Variants in A1CF observed in about 807,000 individuals in gnomAD.
A1CF encodes the protein APOBEC1 complementation factor.
A1CF carries 48 observed loss-of-function variants against 68.9 expected under a neutral mutation model. The observed-to-expected ratio is 0.70, with a 90% CI of 0.55 to 0.89. The LOEUF is 0.89. Among genes scored for constraint, A1CF ranks in the 40% least tolerant of loss-of-function variants. The pLI is 0.00. For missense variants in A1CF, 653 were observed against 718.9 expected, an observed-to-expected ratio of 0.91 and a Z score of 1.05; for synonymous variants, 272 against 260.4, an observed-to-expected ratio of 1.04 and a Z score of -0.43.
chr10:50,832,670 A>G (rs1839305165), intron 6 of A1CF, among the ~76,000 whole-genome samples: 1 of 152,208 alleles, frequency 6.6e-6, no homozygotes, highest in Admixed American at 6.5e-5. Flanking sequence ...GCTAGAAAAC[A>G]TATCCTTTCT....
chr10:50,859,296 A>G (rs1840629042), intron 3 of A1CF, among the ~76,000 whole-genome samples: 1 of 152,196 alleles, frequency 6.6e-6, no homozygotes, highest in African/African-American at 2.4e-5. Context: ...CTATAAATAG[A>G]CAGTTTTAAG....
In A1CF at chr10:50,838,271, C is replaced by T. The variant is rs564864386; in HGVS notation, c.366-1959G>A. Among the ~76,000 whole-genome samples the T allele has an allele frequency of 4.1e-4, 62 of 152,094 alleles. No homozygotes were observed. The South Asian group carries it at 6.0e-3, about 15-fold the overall frequency. ...TACGCTTTGCTGAAGAACCAAGGACCGTGTGTCAGATCTGTGACAGGTCCA... is the reference window on the plus strand; with the variant it reads ...TACGCTTTGCTGAAGAACCAAGGACTGTGTGTCAGATCTGTGACAGGTCCA... On this transcript the variant is annotated intron_variant, in intron 5 of 12. Transcript: ENST00000373997.
chr10:50,850,770 C>G (rs1439177259), intron 3 of A1CF: 1 of 1,614,106 alleles, frequency 6.2e-7, no homozygotes, highest in Non-Finnish European at 8.5e-7. Flanking sequence ...GGCATGTGCC[C>G]AGACACACTG....
chr10:50,879,523 T>G (rs1841675866), intron 1 of A1CF, among the ~76,000 whole-genome samples: 1 of 152,118 alleles, frequency 6.6e-6, no homozygotes, highest in African/African-American at 2.4e-5. Flanking sequence ...TCTGCATGGC[T>G]GGGGAGGCCT....
intron 11 of A1CF, 133 bp from the exon 12 acceptor site, chr10:50,810,175 C>T: frequency 2.0e-6 from 2 of 1,011,642 alleles, no homozygotes; most frequent in Admixed American, 2.8e-5. Context: ...ATTCTGTTTG[C>T]TATTAAAGCT....
At chr10:50,846,043 T>A (rs1045302951) in intron 3 of A1CF, among the ~76,000 whole-genome samples, 2 of 152,204 alleles carry the variant, frequency 1.3e-5, no homozygotes, top group Non-Finnish European at 2.9e-5. Flanking sequence ...TCCTTTCAAT[T>A]TCCGATCATT....
intron 1 of A1CF, among the ~76,000 whole-genome samples, chr10:50,881,039 G>C (rs1219167650): frequency 6.6e-6 from 1 of 151,850 alleles, no homozygotes; most frequent in Non-Finnish European, 1.5e-5. Context: ...GCCTAGGCTG[G>C]AGTGCAATGG....
Position 50,806,549 on chromosome 10 carries a change from T to G in A1CF, c.*180A>C, listed in dbSNP as rs1174581581. The G allele has an allele frequency of 2.1e-6, 1 of 479,122 alleles. No homozygotes were observed. Among genetic ancestry groups the G allele is most frequent in the Non-Finnish European group, 3.3e-6 (1 of 306,360 alleles). The allele number at this position is 479,122 out of a possible 1,614,324, so 29.7% of individuals were successfully genotyped here. ...AAAGGCTCTTTAACATTTGATTTCA[T>G]TTCAGAATAACGTTCTTACTTCATG... On this transcript the variant is annotated 3_prime_UTR_variant, in exon 13 of 13. Coordinates refer to ENST00000373997, the MANE Select transcript of A1CF (RefSeq NM_014576.4).
At chr10:50,812,749 C>T (rs78326741) in intron 10 of A1CF, among the ~76,000 whole-genome samples, 14,432 of 152,058 alleles carry the variant, frequency 0.095, 730 homozygotes, top group African/African-American at 0.13. Flanking sequence ...TCTAATTTTT[C>T]ATGATAAGGA....
intron 7 of A1CF, among the ~76,000 whole-genome samples, chr10:50,821,343 G>A (rs1450784594): frequency 3.3e-5 from 5 of 152,244 alleles, no homozygotes; most frequent in South Asian, 2.1e-4. Context: ...TTTGAGTAAT[G>A]TCTCTTACAG....
chr10:50,816,125 T>C lies in A1CF; in HGVS notation c.1022A>G (p.Tyr341Cys), dbSNP rs1838358533. The change falls in exon 9 of 13, where the codon TAC becomes TGC. Residue 341 changes from tyrosine to cysteine, a missense_variant. Coordinates refer to ENST00000373997, the MANE Select transcript of A1CF (RefSeq NM_014576.4). ...LGQVYDPTTT[Y>C]LGAPVFYAPQ... ...GGCATAGAAGACAGGAGCTCCAAGGTAGGTTGTGGTGGGATCATAAACTTG... is the reference window on the plus strand; with the variant it reads ...GGCATAGAAGACAGGAGCTCCAAGGCAGGTTGTGGTGGGATCATAAACTTG... 1 of 1,613,570 alleles carries C rather than the reference T, an allele frequency of 6.2e-7. No individual in the cohort carries two copies. Among genetic ancestry groups the C allele is most frequent in the Middle Eastern group, 1.7e-4 (1 of 6,058 alleles).
chr10:50,879,110 A>C (rs1273642992), intron 1 of A1CF, among the ~76,000 whole-genome samples: 1 of 152,202 alleles, frequency 6.6e-6, no homozygotes, highest in East Asian at 1.9e-4. Flanking sequence ...ATTTTAACAA[A>C]ACTTGTGGGA....
Position 50,820,615 on chromosome 10 carries a change from A to G in A1CF, c.804T>C (p.Tyr268=), listed in dbSNP as rs1043575066. The G allele has an allele frequency of 1.9e-6, 3 of 1,613,646 alleles. No individual in the cohort carries two copies. The highest frequency in any genetic ancestry group is 2.5e-6 in the Non-Finnish European group (3 of 1,179,772). The change falls in exon 8 of 13, where the codon TAT becomes TAC. Residue 268 remains tyrosine, a synonymous_variant. Coordinates refer to ENST00000373997, the MANE Select transcript of A1CF (RefSeq NM_014576.4). The part of the protein sequence containing the change: ...AVERVKKIRD[Y]AFVHFSNRED... Reference sequence around the variant, plus strand: ...CTCGGTTACTGAAGTGCACAAAAGCATAGTCTCGAATTTTCTTCACCCTCT... The same window carrying G: ...CTCGGTTACTGAAGTGCACAAAAGCGTAGTCTCGAATTTTCTTCACCCTCT...
intron 8 of A1CF, among the ~76,000 whole-genome samples, chr10:50,819,121 TTTCTC>T (rs1486018694): frequency 3.3e-5 from 5 of 152,116 alleles, no homozygotes; most frequent in Non-Finnish European, 5.9e-5. Flanking sequence ...GCTTCTTTCT[TTTCTC>T]TTTTCTTTCT....
At chr10:50,865,618 A>G (rs1840953647) in intron 1 of A1CF, among the ~76,000 whole-genome samples, 1 of 152,164 alleles carries the variant, frequency 6.6e-6, no homozygotes, top group Non-Finnish European at 1.5e-5. Flanking sequence ...TGTCATTCAC[A>G]TGCCCTGCCA....
At chr10:50,858,062 G>C (rs181982061) in intron 3 of A1CF, among the ~76,000 whole-genome samples, 252 of 152,200 alleles carry the variant, frequency 1.7e-3, no homozygotes, top group Non-Finnish European at 3.2e-3. Flanking sequence ...AGAAATTGTA[G>C]TTACCAAACT....
intron 4 of A1CF, 71 bp from the exon 5 acceptor site, chr10:50,842,063 A>G (rs1839808615): frequency 1.5e-6 from 2 of 1,372,692 alleles, no homozygotes; most frequent in African/African-American, 1.4e-5. Flanking sequence ...GCATGTGCTG[A>G]TACACACACA....
intron 5 of A1CF, 100 bp downstream of exon 5, chr10:50,841,762 G>A: frequency 2.9e-6 from 4 of 1,403,378 alleles, no homozygotes; most frequent in East Asian, 2.4e-5. Flanking sequence ...TTCTGGCTTG[G>A]CTTTTTTTTT....
chr10:50,844,004 A>G lies in A1CF; in HGVS notation c.218T>C (p.Ile73Thr), dbSNP rs139143762. ...TGGACTCACTTTTTCACATAATGGT[A>G]TAAGCTCATCCTCAAAAAGGTCTCG... ...LPRDLFEDELIPLCEKIGKIY... is the reference protein window; with the variant it reads ...LPRDLFEDELTPLCEKIGKIY... The change falls in exon 4 of 13, where the codon ATA (isoleucine) becomes ACA (threonine). Residue 73 changes from isoleucine to threonine, a missense_variant. Physicochemically the swap from Ile to Thr is moderately conservative, Grantham distance 89 (BLOSUM62 -1). Transcript: ENST00000373997. 6.2e-6 allele frequency: 10 copies of G among 1,613,918 alleles called. No homozygotes were observed. The highest frequency in any genetic ancestry group is 8.5e-6 in the Non-Finnish European group (10 of 1,179,840).
Sources: gnomAD v4.1 joint callset for allele counts (sites outside exome capture counted in the v4.1 genomes callset) on GRCh38, gnomAD v4.1.1 for gene constraint, MANE v1.5 for transcripts, NCBI Gene and HGNC (gene_info 2026-07-23, HGNC 2026-07-21) for gene names.